The following C4orf50 variants were observed in gnomAD, a reference collection of about 807,000 sequenced individuals.
The protein encoded by C4orf50 is chromosome 4 open reading frame 50.
Under a neutral mutation model 77.2 loss-of-function variants are expected in C4orf50, and 80 were observed. The ratio of observed to expected loss-of-function variants is 1.04; its 90% confidence interval spans 0.87 to 1.25. The LOEUF is 1.25. Ranked by LOEUF, C4orf50 falls within the 50% of genes most tolerant of loss-of-function variation. The pLI is 0.00. For synonymous variants in C4orf50, 532 were observed against 465.3 expected, an observed-to-expected ratio of 1.14 and a Z score of -1.84; for missense variants, 1,257 against 1,152.9, an observed-to-expected ratio of 1.09 and a Z score of -1.31.
chr4:5,979,843 G>A (rs775235749), intron 29 of C4orf50, among the ~76,000 whole-genome samples: 7 of 152,186 alleles, frequency 4.6e-5, no homozygotes, highest in Non-Finnish European at 1.0e-4. Context: ...ACCTGTATAG[G>A]TTTGCACCTG....
intron 33 of C4orf50, among the ~76,000 whole-genome samples, chr4:5,960,663 G>A (rs1719222463): frequency 6.6e-6 from 1 of 152,220 alleles, no homozygotes; most frequent in African/African-American, 2.4e-5. Context: ...AGCCCGAAGA[G>A]AGACCCACAC....
rs973026061 is a variant in C4orf50, at chr4:5,970,444, C to T, written c.4105-2982G>A. ...CCCCAAAACAGGCACCTGAGCTGGACAGAATCAGCAGAGTAGGAGGAGGGA... is the reference window on the plus strand; with the variant it reads ...CCCCAAAACAGGCACCTGAGCTGGATAGAATCAGCAGAGTAGGAGGAGGGA... On this transcript the variant is annotated intron_variant, in intron 31 of 33. Transcript: ENST00000531445. The surrounding 1 kb of genome is among the most constrained non-coding windows in gnomAD (Gnocchi z 4.3). Among the ~76,000 whole-genome samples, 16 of 152,258 alleles carry T rather than the reference C, an allele frequency of 1.1e-4. No individual in the cohort carries two copies. The East Asian group carries it at 2.9e-3, about 28-fold the overall frequency.
intron 29 of C4orf50, among the ~76,000 whole-genome samples, chr4:5,977,265 G>A (rs948293828): frequency 3.3e-5 from 5 of 152,176 alleles, no homozygotes; most frequent in African/African-American, 1.2e-4. Flanking sequence ...AACAGGTGTT[G>A]TGTGAGTTCT....
chr4:5,987,211 G>C (rs549456475), intron 28 of C4orf50, among the ~76,000 whole-genome samples: 20 of 151,974 alleles, frequency 1.3e-4, no homozygotes, highest in African/African-American at 4.3e-4. Flanking sequence ...AGGAGTTCGA[G>C]ACCAGCCTGG....
rs1049589455 is a variant in C4orf50 at position 5,900,780 on chromosome 4, G to A, written c.*2475-2592C>T. ...CTCGCCTGTAAAATGGGGAGGAGAA[G>A]GATGCTTACACTAGATGAAGTCTGA... is the stretch of plus-strand genomic sequence containing the variant. On this transcript the variant is annotated intron_variant, in intron 7 of 7. Transcript: ENST00000324058. This position sits in a 1 kb window ranked among gnomAD's most constrained non-coding sequence, Gnocchi z 4.3. The A allele has an allele frequency of 2.6e-5, 4 of 152,182 alleles. No individual in the cohort carries two copies. The highest frequency in any genetic ancestry group is 2.0e-4 in the Admixed American group (3 of 15,282). 9.4% of individuals were successfully genotyped at this position (152,182 alleles called of 1,614,324 possible).
At chr4:5,989,331 G>A in exon 28 of C4orf50, 1 of 1,536,040 alleles carries the variant, frequency 6.5e-7, no homozygotes. Context: ...GAGGGTTTGG[G>A]CTGGCTTCAT....
intron 7 of C4orf50, among the ~76,000 whole-genome samples, chr4:5,924,873 C>T (rs535253435): frequency 2.6e-5 from 4 of 152,300 alleles, no homozygotes; most frequent in South Asian, 4.1e-4. Context: ...TCAGAGGGTC[C>T]GGAGCTTAGC....
chr4:5,942,331 A>C (rs1306710236), intron 7 of C4orf50, among the ~76,000 whole-genome samples: 4 of 152,346 alleles, frequency 2.6e-5, no homozygotes, highest in African/African-American at 9.6e-5. Flanking sequence ...TACAGGACCC[A>C]AAGGGGTTTG....
rs187287242 is a variant in C4orf50 at position 6,000,570 on chromosome 4, G to A, written c.964-6094C>T. 5.7e-3 allele frequency among the ~76,000 whole-genome samples: 869 copies of A among 152,196 alleles called. 13 individuals are homozygous for A. The highest frequency in any genetic ancestry group is 0.02 in the African/African-American group (833 of 41,540). On this transcript the variant is annotated intron_variant, in intron 25 of 33. Coordinates refer to ENST00000531445, the Ensembl canonical transcript of C4orf50. This position sits in a 1 kb window ranked among gnomAD's most constrained non-coding sequence, Gnocchi z 6.0. ...GGGTCCAGCCCCCACTGCAACACCA[G>A]GGTCCTCCCCCAGTGACCCACGGAC... is the stretch of plus-strand genomic sequence containing the variant.
rs532324867 is a variant in C4orf50 at position 5,916,757 on chromosome 4, C to G, written c.*2475-18569G>C. The stretch of plus-strand genomic sequence containing the variant: ...CCTGCAGGAAATAGGGTCACGGCCC[C>G]GAGAGCACTTCTGTGAAGAGCACAG... On this transcript the variant is annotated intron_variant, in intron 7 of 7. Coordinates refer to the C4orf50 transcript ENST00000324058. This position sits in a 1 kb window ranked among gnomAD's most constrained non-coding sequence, Gnocchi z 4.4. Among the ~76,000 whole-genome samples the G allele has an allele frequency of 6.6e-6, 1 of 152,086 alleles. No homozygotes were observed. Among genetic ancestry groups the G allele is most frequent in the African/African-American group, 2.4e-5 (1 of 41,404 alleles).
At chr4:5,935,332 T>G (rs553927409) in intron 7 of C4orf50, among the ~76,000 whole-genome samples, 1 of 152,216 alleles carries the variant, frequency 6.6e-6, no homozygotes, top group African/African-American at 2.4e-5. Flanking sequence ...AATTAGAAGA[T>G]AGAGAGGAAG....
intron 33 of C4orf50, among the ~76,000 whole-genome samples, chr4:5,961,842 C>T (rs539331184): frequency 3.7e-4 from 57 of 152,238 alleles, no homozygotes; most frequent in African/African-American, 1.0e-3. Flanking sequence ...TAAGCTCAAC[C>T]GTACAGTAAT....
At chr4:5,936,553 A>G (rs1171011368) in intron 7 of C4orf50, among the ~76,000 whole-genome samples, 1 of 108,728 alleles carries the variant, frequency 9.2e-6, no homozygotes, top group African/African-American at 3.8e-5. Flanking sequence ...CAATGGCAAG[A>G]CGCCATCTCA....
intron 30 of C4orf50, among the ~76,000 whole-genome samples, chr4:5,975,013 G>A (rs1720170281): frequency 6.6e-6 from 1 of 151,814 alleles, no homozygotes; most frequent in African/African-American, 2.4e-5. Flanking sequence ...GGTGGCACAT[G>A]CCTGTAATCC....
intron 32 of C4orf50, 85 bp downstream of exon 10, chr4:5,967,329 C>T: frequency 1.9e-6 from 2 of 1,048,712 alleles, no homozygotes; most frequent in South Asian, 2.5e-5. Context: ...TGGGCATCTC[C>T]CCTCTGGCCC....
chr4:5,929,703 C>A (rs1373849011), intron 7 of C4orf50, among the ~76,000 whole-genome samples: 2 of 152,248 alleles, frequency 1.3e-5, no homozygotes, highest in African/African-American at 4.8e-5. Flanking sequence ...GGCTGCCCAG[C>A]GCTCTGTGAG....
At chr4:5,965,603 G>A (rs1255193710) in intron 32 of C4orf50, among the ~76,000 whole-genome samples, 1 of 152,194 alleles carries the variant, frequency 6.6e-6, no homozygotes, top group Non-Finnish European at 1.5e-5. Flanking sequence ...CTTGCCTGGG[G>A]CCACAGAGAG....
intron 7 of C4orf50, among the ~76,000 whole-genome samples, chr4:5,949,897 G>A (rs1489459190): frequency 6.7e-6 from 1 of 149,670 alleles, no homozygotes; most frequent in Non-Finnish European, 1.5e-5. Context: ...GCTGAGGCAG[G>A]AGAATCACTT....
chr4:5,909,132 C>G (rs1303906695), intron 7 of C4orf50, among the ~76,000 whole-genome samples: 2 of 152,208 alleles, frequency 1.3e-5, no homozygotes, highest in Admixed American at 1.3e-4. Flanking sequence ...TGCAGCCTAA[C>G]TTAGCAAGAC....
Sources: gnomAD v4.1 joint callset for allele counts (sites outside exome capture counted in the v4.1 genomes callset) on GRCh38, gnomAD v4.1.1 for gene constraint, Gnocchi (gnomAD v3.1) non-coding constraint, MANE v1.5 for transcripts, NCBI Gene and HGNC (gene_info 2026-07-23, HGNC 2026-07-21) for gene names.